Variants in MUC4 observed in about 807,000 individuals in gnomAD.
MUC4 encodes mucin-4.
In MUC4, 202 loss-of-function variants were observed where a neutral mutation model predicts 257.9. The observed-to-expected ratio is 0.78, with a 90% CI of 0.70 to 0.88. The LOEUF (loss-of-function observed/expected upper bound fraction) is 0.88, where lower values mean the gene tolerates loss of function less well. Among genes scored for constraint, MUC4 ranks in the 40% least tolerant of loss-of-function variants. The pLI is 0.00. For missense variants in MUC4, 5,976 were observed against 6,513.7 expected (o/e 0.92, Z 2.84); for synonymous variants, 2,351 against 2,757.1 (o/e 0.85, Z 4.62).
rs1733672896 is a variant in MUC4, at chr3:195,790,114, G to A, written c.1466C>T (p.Pro489Leu). 1 of 1,613,968 alleles carries A rather than the reference G, an allele frequency of 6.2e-7. No homozygotes were observed. Among genetic ancestry groups the A allele is most frequent in the Non-Finnish European group, 8.5e-7 (1 of 1,179,894 alleles). Residue 489 changes from proline to leucine, a missense_variant, in exon 2 of 25, where the codon CCT (proline) becomes CTT (leucine). This residue lies in a region of MUC4 where 1,583 missense variants were observed against 1,257.4 expected (regional missense o/e 1.26). Transcript: ENST00000463781. ...IFTLHETTTW[P>L]SSFSSKGHTT... ...GTGGCCTTTGCTGGAGAATGAGGAAGGCCATGTTGTTGTTTCATGTAGAGT... is the reference window on the plus strand; with the variant it reads ...GTGGCCTTTGCTGGAGAATGAGGAAAGCCATGTTGTTGTTTCATGTAGAGT...
chr3:195,748,306 G>A (rs1243187688), intron 24 of MUC4, among the ~76,000 whole-genome samples: 1 of 152,282 alleles, frequency 6.6e-6, no homozygotes, highest in Admixed American at 6.5e-5. Flanking sequence ...GCTCACGCCT[G>A]TAATCTCAGC....
rs1726604492 is a variant in MUC4, at chr3:195,779,994, A to C, written c.11586T>G (p.Pro3862=). ...TGGCGTGACCTGTGGATGCTGAGGA[A>C]GGGCTAGTGACAGGAAGAGGCATGG... ...GDTMPLPVTS[P]SSASTGHATP... The change falls in exon 2 of 25, where the codon CCT becomes CCG. Residue 3862 remains proline (P), a synonymous_variant. Coordinates refer to ENST00000463781, the MANE Select transcript of MUC4 (RefSeq NM_018406.7). The C allele has an allele frequency of 7.0e-7, 1 of 1,419,646 alleles. No homozygotes were observed. Among genetic ancestry groups the C allele is most frequent in the East Asian group, 2.5e-5 (1 of 40,206 alleles). 87.9% of individuals were successfully genotyped at this position (1,419,646 alleles called of 1,614,324 possible). A position where few individuals can be genotyped will look rare whatever the true frequency, so the allele number is the denominator to read the frequency against.
Position 195,754,335 on chromosome 3 carries a change from C to A in MUC4, c.15206G>T (p.Arg5069Leu). ...GGCATCCTCGGAGCCCTCGCAGTAG[C>A]GGCCGAAGGTGCCCCCGTCACACTT... ...GCKCDGGTFG[R>L]YCEGSEDACE... Residue 5069 changes from arginine (R) to leucine (L), a missense_variant, in exon 19 of 25, where the codon CGC (arginine) becomes CTC (leucine). This residue lies in a region of MUC4 where 996 missense variants were observed against 1,137.3 expected (regional missense o/e 0.88). Coordinates refer to ENST00000463781, the MANE Select transcript of MUC4 (RefSeq NM_018406.7). 1.9e-6 allele frequency: 3 copies of A among 1,611,792 alleles called. No individual in the cohort carries two copies. Among genetic ancestry groups the A allele is most frequent in the South Asian group, 1.1e-5 (1 of 90,878 alleles).
intron 7 of MUC4, among the ~76,000 whole-genome samples, chr3:195,767,814 T>TCACCACCACCACCACCATCACCAC (rs751547095): frequency 2.3e-5 from 1 of 42,900 alleles, no homozygotes; most frequent in African/African-American, 1.3e-4. Context: ...ATCACCACCA[T>TCACCACCACCACCACCATCACCAC]CACCACCACC....
chr3:195,788,864 G>C lies in MUC4; in HGVS notation c.2716C>G (p.Arg906Gly). 1 of 1,613,866 alleles carries C rather than the reference G, an allele frequency of 6.2e-7. No individual in the cohort carries two copies. Among genetic ancestry groups the C allele is most frequent in the Non-Finnish European group, 8.5e-7 (1 of 1,179,844 alleles). Residue 906 changes from arginine to glycine, a missense_variant, in exon 2 of 25, where the codon CGG becomes GGG. Physicochemically the swap from Arg to Gly is moderately radical, Grantham distance 125. This residue lies in a region of MUC4 where 1,583 missense variants were observed against 1,257.4 expected (regional missense o/e 1.26). Transcript: ENST00000463781. ...CTTGTCCTCTGAGTCTGGGCCATCCGGGAAATGGCGGCTGTCTCCTGAGGA... is the reference window on the plus strand; with the variant it reads ...CTTGTCCTCTGAGTCTGGGCCATCCCGGAAATGGCGGCTGTCTCCTGAGGA... The part of the protein sequence containing the change: ...ASPQETAAIS[R>G]MAQTQRTRTS...
rs753653493 is a variant in MUC4 at position 195,791,239 on chromosome 3, G to A, written c.341C>T (p.Ala114Val). 2.6e-6 allele frequency: 1 copy of A among 380,388 alleles called. No homozygotes were observed. The highest frequency in any genetic ancestry group is 5.0e-5 in the Admixed American group (1 of 20,124). 23.6% of individuals were successfully genotyped at this position (380,388 alleles called of 1,614,324 possible). The change falls in exon 2 of 25, where the codon GCT becomes GTT. Residue 114 changes from alanine (A) to valine (V), a missense_variant. Transcript: ENST00000463781. ...SPSVHNVMET[A>V]PPDEMTTSFP... ...TGATGTGGTCATTTCATCTGGAGGA[G>A]CTGTCTCCATCACATTGTGTACACT...
At chr3:195,811,240 C>A (rs112242983) in intron 1 of MUC4, among the ~76,000 whole-genome samples, 11,744 of 151,876 alleles carry the variant, frequency 0.077, 569 homozygotes, top group Middle Eastern at 0.22. Flanking sequence ...GTGGCGCGAT[C>A]TTGGCTCACT....
chr3:195,789,014 C>T lies in MUC4; in HGVS notation c.2566G>A (p.Ala856Thr), dbSNP rs1733489213. Residue 856 changes from alanine (A) to threonine (T), a missense_variant, in exon 2 of 25, where the codon GCC becomes ACC. Physicochemically the swap from Ala to Thr is moderately conservative, Grantham distance 58. Coordinates refer to ENST00000463781, the MANE Select transcript of MUC4 (RefSeq NM_018406.7). ...GCCATTCCTGTGCTTACTGGGATGG[C>T]ACCATGACTGGCTGAGGCGGACAGC... ...ELLSASASHG[A>T]IPVSTGMASS... The T allele has an allele frequency of 6.2e-7, 1 of 1,613,804 alleles. No individual in the cohort carries two copies. The highest frequency in any genetic ancestry group is 1.1e-5 in the South Asian group (1 of 91,064).
At chr3:195,811,659 G>C in intron 1 of MUC4, 77 bp downstream of exon 1, 2 of 1,293,306 alleles carry the variant, frequency 1.5e-6, no homozygotes, top group African/African-American at 2.9e-5. Flanking sequence ...TGTCTCCCCG[G>C]ACCTCTTTCT....
chr3:195,790,550 G>A lies in MUC4; in HGVS notation c.1030C>T (p.Leu344Phe), dbSNP rs748736807. ...RVSQINTLNTLTPVTTSTVLS... is the reference protein window; with the variant it reads ...RVSQINTLNTFTPVTTSTVLS... ...ACAGTTGATGTTGTAACCGGTGTGAGGGTGTTGAGGGTGTTGATTTGAGAT... is the reference window on the plus strand; with the variant it reads ...ACAGTTGATGTTGTAACCGGTGTGAAGGTGTTGAGGGTGTTGATTTGAGAT... The change falls in exon 2 of 25, where the codon CTC becomes TTC. Residue 344 changes from leucine (L) to phenylalanine (F), a missense_variant. Coordinates refer to ENST00000463781, the MANE Select transcript of MUC4 (RefSeq NM_018406.7). 3 of 1,613,992 alleles carry A rather than the reference G, an allele frequency of 1.9e-6. No homozygotes were observed. In the Admixed American group the frequency reaches 5.0e-5, roughly 27 times the overall value.
intron 1 of MUC4, among the ~76,000 whole-genome samples, chr3:195,797,543 A>C (rs1734721191): frequency 6.6e-6 from 1 of 152,240 alleles, no homozygotes; most frequent in Non-Finnish European, 1.5e-5. Flanking sequence ...ATTATACTTA[A>C]AACAATAGAA....
intron 13 of MUC4, 138 bp downstream of exon 13, chr3:195,762,717 C>T: frequency 1.7e-6 from 1 of 600,396 alleles, no homozygotes; most frequent in Non-Finnish European, 2.4e-6. Context: ...CGGCGCGGCA[C>T]CGCCACGCGC....
intron 1 of MUC4, among the ~76,000 whole-genome samples, chr3:195,797,017 C>T (rs1042625124): frequency 6.6e-6 from 1 of 152,154 alleles, no homozygotes; most frequent in Non-Finnish European, 1.5e-5. Context: ...CCGAGGCAGG[C>T]GGATCACTTG....
Position 195,770,346 on chromosome 3 carries a change from T to C in MUC4, c.13268A>G (p.His4423Arg), listed in dbSNP as rs766636601. The change falls in exon 6 of 25, where the codon CAC (histidine) becomes CGC (arginine). Residue 4423 changes from histidine (H) to arginine (R), a missense_variant. This residue lies in a region of MUC4 where 996 missense variants were observed against 1,137.3 expected (regional missense o/e 0.88). Coordinates refer to ENST00000463781, the MANE Select transcript of MUC4 (RefSeq NM_018406.7). ...CTCGGCCTGCTGGACTAGCAGGCTG[T>C]GTTCACCATAGAACGTCTCGTATTC... is the stretch of plus-strand genomic sequence containing the variant. ...YQEYETFYGE[H>R]SLLVQQAESW... is the part of the protein sequence containing the mutation. 1.1e-5 allele frequency: 17 copies of C among 1,613,938 alleles called. No homozygotes were observed. The South Asian group carries it at 1.9e-4, about 18-fold the overall frequency.
Position 195,794,363 on chromosome 3 carries a change from C to CGT in MUC4, c.83-2867_83-2866insAC, listed in dbSNP as rs1553888569. On this transcript the variant is annotated intron_variant, in intron 1 of 24. Coordinates refer to ENST00000463781, the MANE Select transcript of MUC4 (RefSeq NM_018406.7). Reference sequence around the variant, plus strand: ...AACTTCTTTCTTTTTTCTTTTTAAACATATATATATAGAGAGAGAGAGAGA... The same window carrying CGT: ...AACTTCTTTCTTTTTTCTTTTTAAACGTATATATATATAGAGAGAGAGAGAGA... Among the ~76,000 whole-genome samples, 148 of 147,456 alleles carry CGT rather than the reference C, an allele frequency of 1.0e-3. 1 individual carries two copies. The highest frequency in any genetic ancestry group is 3.2e-3 in the African/African-American group (127 of 39,832).
chr3:195,750,014 C>A (rs1716047391), intron 23 of MUC4: 1 of 152,282 alleles, frequency 6.6e-6, no homozygotes, highest in South Asian at 2.1e-4. Context: ...TACAGTAGTT[C>A]TGAGGGATTT....
At chr3:195,778,180 T>G in intron 3 of MUC4, 123 bp downstream of exon 3, 1 of 1,285,994 alleles carries the variant, frequency 7.8e-7, no homozygotes, top group Non-Finnish European at 1.0e-6. Flanking sequence ...TCCGATGCTG[T>G]GTCCCTGTCC....
chr3:195,767,802 T>TCACCCC (rs1721622900), intron 7 of MUC4, among the ~76,000 whole-genome samples: 1 of 31,964 alleles, frequency 3.1e-5, no homozygotes, highest in Admixed American at 2.7e-4. Context: ...GCCACCACCA[T>TCACCCC]CATCACCACC....
At chr3:195,752,489 C>T (rs1332272001) in intron 20 of MUC4, 43 bp from the exon 21 acceptor site, 2 of 1,554,768 alleles carry the variant, frequency 1.3e-6, no homozygotes, top group South Asian at 1.1e-5. Flanking sequence ...CCACGGTTTA[C>T]CCAGACTTAC....
Sources: gnomAD v4.1 joint callset for allele counts (sites outside exome capture counted in the v4.1 genomes callset) on GRCh38, gnomAD v4.1.1 for gene constraint, gnomAD v4.1.1 regional missense constraint, MANE v1.5 for transcripts, NCBI Gene and HGNC (gene_info 2026-07-23, HGNC 2026-07-21) for gene names.